ACSS1: variants seen among roughly 807,000 people sequenced by gnomAD.
ACSS1 encodes acetyl-coenzyme A synthetase 2-like, mitochondrial.
In ACSS1, 42 loss-of-function variants were observed where a neutral mutation model predicts 75.3. That is an observed-to-expected ratio of 0.56 (90% confidence interval 0.44 to 0.72). ACSS1 has a LOEUF of 0.72. ACSS1 is among the 30% of genes least tolerant of loss of function. ACSS1 has a pLI of 0.00. For missense variants in ACSS1, 782 were observed against 935.7 expected, an observed-to-expected ratio of 0.84 and a Z score of 2.14; for synonymous variants, 380 against 376.8, an observed-to-expected ratio of 1.01 and a Z score of -0.10.
chr20:25,015,257 G>A (rs746424737), intron 7 of ACSS1, 27 bp from the exon 8 acceptor site: 9 of 1,552,852 alleles, frequency 5.8e-6, no homozygotes, highest in South Asian at 1.2e-5. Flanking sequence ...AGAAAAAGAT[G>A]TTAACAGGCT....
chr20:25,038,520 G>T (rs1903072827), intron 2 of ACSS1, among the ~76,000 whole-genome samples: 1 of 152,170 alleles, frequency 6.6e-6, no homozygotes, highest in East Asian at 1.9e-4. Flanking sequence ...CTTTAAGAAA[G>T]GTGGGCACCT....
Position 25,024,717 on chromosome 20 carries a change from C to T in ACSS1, c.632-1076G>A, listed in dbSNP as rs114707634. Reference sequence around the variant, plus strand: ...AAGACAGACTCTGGCCTCAATGTCCCCTCTGGGAGAGTCCTACCTAAATAA... The same window carrying T: ...AAGACAGACTCTGGCCTCAATGTCCTCTCTGGGAGAGTCCTACCTAAATAA... On this transcript the variant is annotated intron_variant, in intron 3 of 13. Transcript: ENST00000323482. Among the ~76,000 whole-genome samples the T allele has an allele frequency of 2.7e-3, 405 of 152,364 alleles. 1 individual carries two copies. The highest frequency in any genetic ancestry group is 9.5e-3 in the African/African-American group (397 of 41,582).
rs112767555 is a variant in ACSS1 at position 25,030,900 on chromosome 20, G to A, written c.490C>T (p.Arg164Cys). The A allele has an allele frequency of 2.5e-6, 4 of 1,614,074 alleles. No homozygotes were observed. Among genetic ancestry groups the A allele is most frequent in the African/African-American group, 2.7e-5 (2 of 74,916 alleles). Reference sequence around the variant, plus strand: ...ATGTAGATGGCAACACGGTCCCCACGGTGGACTCCATGCCTCTTCAGCGTG... The same window carrying A: ...ATGTAGATGGCAACACGGTCCCCACAGTGGACTCCATGCCTCTTCAGCGTG... The part of the protein sequence containing the change: ...ANTLKRHGVH[R>C]GDRVAIYMPV... Residue 164 changes from arginine (R) to cysteine (C), a missense_variant, in exon 3 of 14, where the codon CGT becomes TGT. Arg to Cys is a radical substitution (Grantham distance 180). Coordinates refer to ENST00000323482, the MANE Select transcript of ACSS1 (RefSeq NM_032501.4).
intron 10 of ACSS1, 78 bp downstream of exon 10, chr20:25,013,458 C>G (rs1330402083): frequency 1.3e-5 from 19 of 1,517,826 alleles, no homozygotes; most frequent in Admixed American, 4.1e-5. Context: ...ACTCAAATCC[C>G]ATTAAAAATG....
At position 25,006,703 on chromosome 20, in the gene ACSS1, A is replaced by G; in HGVS notation, c.*1059T>C. The G allele has an allele frequency of 3.5e-6, 4 of 1,134,306 alleles. No individual in the cohort carries two copies. The highest frequency in any genetic ancestry group is 1.6e-5 in the South Asian group (1 of 61,234). 70.3% of individuals were successfully genotyped at this position (1,134,306 alleles called of 1,614,324 possible). A position where few individuals can be genotyped will look rare whatever the true frequency, so the allele number is the denominator to read the frequency against. The stretch of plus-strand genomic sequence containing the variant: ...AGCACCCACTGGCGTCGTGATTTCC[A>G]TTATCTTGCTAATGTTGACAGCACC... On this transcript the variant is annotated 3_prime_UTR_variant, in exon 14 of 14. Coordinates refer to ENST00000323482, the MANE Select transcript of ACSS1 (RefSeq NM_032501.4).
intron 2 of ACSS1, chr20:25,031,258 A>T: frequency 2.3e-6 from 1 of 433,982 alleles, no homozygotes; most frequent in South Asian, 2.1e-5. Flanking sequence ...AGCCATGGTG[A>T]CACCATTTTA....
chr20:25,031,601 T>C (rs1417465111), intron 2 of ACSS1, among the ~76,000 whole-genome samples: 1 of 152,168 alleles, frequency 6.6e-6, no homozygotes. Context: ...ACAGAGGCAT[T>C]CCTCCTCTTG....
rs182514857 is a variant in ACSS1, at chr20:25,018,334, T to C, written c.1246+1676A>G. ...ATGTGGACTTCCCAGCCTCCAGAAATGTGAACCAATAAATTTCTGTTCATT... is the reference window on the plus strand; with the variant it reads ...ATGTGGACTTCCCAGCCTCCAGAAACGTGAACCAATAAATTTCTGTTCATT... On this transcript the variant is annotated intron_variant, in intron 7 of 13. Coordinates refer to ENST00000323482, the MANE Select transcript of ACSS1 (RefSeq NM_032501.4). Among the ~76,000 whole-genome samples, 386 of 152,296 alleles carry C rather than the reference T, an allele frequency of 2.5e-3. 3 individuals carry two copies. Among genetic ancestry groups the C allele is most frequent in the Admixed American group, 5.4e-3 (82 of 15,298 alleles).
intron 8 of ACSS1, 58 bp downstream of exon 8, chr20:25,015,080 A>G: frequency 6.7e-7 from 1 of 1,489,972 alleles, no homozygotes; most frequent in South Asian, 1.2e-5. Context: ...TCCCAGCCTC[A>G]CACCTGACCC....
intron 3 of ACSS1, among the ~76,000 whole-genome samples, chr20:25,026,537 C>T (rs1285218672): frequency 6.6e-6 from 1 of 152,226 alleles, no homozygotes; most frequent in Non-Finnish European, 1.5e-5. Flanking sequence ...GTCCCCAACC[C>T]TTCAAGTCAA....
chr20:25,037,977 A>G (rs143583820), intron 2 of ACSS1, among the ~76,000 whole-genome samples: 1 of 152,356 alleles, frequency 6.6e-6, no homozygotes, highest in East Asian at 1.9e-4. Flanking sequence ...TTCTCACGTC[A>G]TTATTTGATG....
chr20:25,030,216 A>ACTG (rs891105579), intron 3 of ACSS1, among the ~76,000 whole-genome samples: 4 of 152,214 alleles, frequency 2.6e-5, no homozygotes, highest in African/African-American at 7.2e-5. Context: ...GACTGCATGG[A>ACTG]CATAGGGCCA....
chr20:25,045,323 G>A lies in ACSS1; in HGVS notation c.431+2762C>T, dbSNP rs568106925. Among the ~76,000 whole-genome samples the A allele has an allele frequency of 6.6e-5, 10 of 152,256 alleles. No homozygotes were observed. The South Asian group carries it at 1.7e-3, about 25-fold the overall frequency. On this transcript the variant is annotated intron_variant, in intron 2 of 13. Transcript: ENST00000323482. ...TGACCCTGCACCCCAGAGGACCTGG[G>A]GAAGCAGGGATTGCAAATCCTCCAC...
At chr20:25,045,267 T>G (rs898294147) in intron 2 of ACSS1, among the ~76,000 whole-genome samples, 1 of 152,200 alleles carries the variant, frequency 6.6e-6, no homozygotes, top group Non-Finnish European at 1.5e-5. Flanking sequence ...AGGATGGTAC[T>G]GAACTAGAAC....
chr20:25,051,444 A>T (rs980261128), intron 1 of ACSS1, among the ~76,000 whole-genome samples: 13 of 152,230 alleles, frequency 8.5e-5, no homozygotes, highest in Non-Finnish European at 1.6e-4. Flanking sequence ...TCCCTTAAGT[A>T]GAAGACATTC....
chr20:25,024,618 C>T (rs1464800267), intron 3 of ACSS1, among the ~76,000 whole-genome samples: 1 of 152,220 alleles, frequency 6.6e-6, no homozygotes, highest in Non-Finnish European at 1.5e-5. Context: ...CAACTCCCTA[C>T]CCTTTGCATG....
intron 1 of ACSS1, among the ~76,000 whole-genome samples, chr20:25,051,076 T>C (rs2089168353): frequency 2.6e-5 from 4 of 152,200 alleles, no homozygotes; most frequent in Admixed American, 2.6e-4. Context: ...CCACATCTGG[T>C]GAGCTCCCCT....
intron 1 of ACSS1, among the ~76,000 whole-genome samples, chr20:25,052,740 C>T (rs576371876): frequency 5.6e-4 from 86 of 152,360 alleles, no homozygotes; most frequent in African/African-American, 1.6e-3. Context: ...CATGAGGATG[C>T]GACAAGCCAT....
chr20:25,006,629 C>T lies in ACSS1; in HGVS notation c.*1133G>A. On this transcript the variant is annotated 3_prime_UTR_variant, in exon 14 of 14. Transcript: ENST00000323482. ...CCCCTAAGGGACCCGGCTCACTGGG[C>T]CTCCTTCCCCTGCCAACCGCCAGCC... 1 of 574,998 alleles carries T rather than the reference C, an allele frequency of 1.7e-6. No individual in the cohort carries two copies. Among genetic ancestry groups the T allele is most frequent in the Non-Finnish European group, 3.0e-6 (1 of 336,384 alleles). The allele number at this position is 574,998 out of a possible 1,614,324, so 35.6% of individuals were successfully genotyped here.
Sources: gnomAD v4.1 joint callset for allele counts (sites outside exome capture counted in the v4.1 genomes callset) on GRCh38, gnomAD v4.1.1 for gene constraint, MANE v1.5 for transcripts, NCBI Gene and HGNC (gene_info 2026-07-23, HGNC 2026-07-21) for gene names.